Variants in DSTYK observed in about 807,000 individuals in gnomAD.
DSTYK encodes the protein RIP-homologous kinase.
Under a neutral mutation model 98.7 loss-of-function variants are expected in DSTYK, and 34 were observed. The observed-to-expected ratio is 0.34, with a 90% CI of 0.26 to 0.46. The LOEUF (loss-of-function observed/expected upper bound fraction) is 0.46. DSTYK is among the 20% of genes least tolerant of loss of function. The pLI is 1.00. For missense variants in DSTYK, 962 were observed against 1,181.7 expected (o/e 0.81, Z 2.73); for synonymous variants, 462 against 457.3 (o/e 1.01, Z -0.13).
chr1:205,197,759 T>A (rs1004454984), intron 1 of DSTYK, among the ~76,000 whole-genome samples: 2 of 151,878 alleles, frequency 1.3e-5, no homozygotes, highest in Non-Finnish European at 2.9e-5. Flanking sequence ...GTCTGGGGAG[T>A]TCAAGGCACT....
intron 10 of DSTYK, among the ~76,000 whole-genome samples, chr1:205,152,953 A>T (rs940216395): frequency 6.6e-6 from 1 of 152,056 alleles, no homozygotes; most frequent in Admixed American, 6.6e-5. Flanking sequence ...ATCCTAAAAA[A>T]CCCTGGAAGA....
At chr1:205,154,415 C>A (rs953096952) in intron 10 of DSTYK, among the ~76,000 whole-genome samples, 28 of 152,100 alleles carry the variant, frequency 1.8e-4, no homozygotes, top group Admixed American at 1.3e-4. Flanking sequence ...GTTTTTCCCC[C>A]CCTTTTGATC....
intron 10 of DSTYK, among the ~76,000 whole-genome samples, chr1:205,157,009 T>A (rs886122894): frequency 6.6e-6 from 1 of 152,226 alleles, no homozygotes; most frequent in African/African-American, 2.4e-5. Flanking sequence ...TGCTGCCATG[T>A]GAAGAAGAAT....
At chr1:205,188,001 A>C (rs1658607799) in intron 1 of DSTYK, among the ~76,000 whole-genome samples, 195 bp from the exon 2 acceptor site, 1 of 152,000 alleles carries the variant, frequency 6.6e-6, no homozygotes, top group South Asian at 2.1e-4. Flanking sequence ...TATCAAACAG[A>C]ATTCCTTTCC....
intron 3 of DSTYK, among the ~76,000 whole-genome samples, chr1:205,167,476 G>A (rs1657924017): frequency 6.6e-6 from 1 of 152,186 alleles, no homozygotes; most frequent in African/African-American, 2.4e-5. Context: ...CTGATGGGTA[G>A]GTAGGATTTG....
chr1:205,170,213 C>T (rs1017822101), intron 2 of DSTYK, among the ~76,000 whole-genome samples: 1 of 152,090 alleles, frequency 6.6e-6, no homozygotes, highest in Non-Finnish European at 1.5e-5. Flanking sequence ...GGGAGTGAGT[C>T]GACCTGGGGC....
chr1:205,151,046 TACTGAATACCATAGGCA>T (rs1310670063), intron 10 of DSTYK, among the ~76,000 whole-genome samples: 3 of 152,234 alleles, frequency 2.0e-5, no homozygotes, highest in African/African-American at 7.2e-5. Context: ...CGTATTACTG[TACTGAATACCATAGGCA>T]ACTGTAACAC....
At chr1:205,149,086 G>A (rs917679855) in intron 11 of DSTYK, among the ~76,000 whole-genome samples, 1 of 152,024 alleles carries the variant, frequency 6.6e-6, no homozygotes, top group African/African-American at 2.4e-5. Flanking sequence ...ATTTTTAGTA[G>A]AGATGGGGTT....
intron 3 of DSTYK, among the ~76,000 whole-genome samples, chr1:205,166,186 G>A (rs901618485): frequency 1.3e-5 from 2 of 152,108 alleles, no homozygotes; most frequent in South Asian, 2.1e-4. Context: ...AAAAAGACAA[G>A]TGCAGAAGAA....
In DSTYK at chr1:205,169,732, A is replaced by G; in HGVS notation, c.755T>C (p.Leu252Pro). The G allele has an allele frequency of 1.2e-6, 2 of 1,614,216 alleles. No individual in the cohort carries two copies. Among genetic ancestry groups the G allele is most frequent in the Non-Finnish European group, 1.7e-6 (2 of 1,180,030 alleles). Residue 252 changes from leucine to proline, a missense_variant, in exon 3 of 13, where the codon CTC (leucine) becomes CCC (proline). By Grantham distance (98) the Leu-to-Pro change is moderately conservative. Coordinates refer to ENST00000367162, the MANE Select transcript of DSTYK (RefSeq NM_015375.3). The surrounding 1 kb of genome is among the most constrained non-coding windows in gnomAD (Gnocchi z 4.0). Reference sequence around the variant, plus strand: ...CCTCTCAGAGAGTTCATCTTTGTGGAGTGCATAGGTTATCACAGGCAAGAA... The same window carrying G: ...CCTCTCAGAGAGTTCATCTTTGTGGGGTGCATAGGTTATCACAGGCAAGAA... ...NDFLPVITYA[L>P]HKDELSERDE...
intron 11 of DSTYK, among the ~76,000 whole-genome samples, chr1:205,149,100 C>G (rs1428191694): frequency 6.6e-6 from 1 of 151,964 alleles, no homozygotes; most frequent in African/African-American, 2.4e-5. Flanking sequence ...TGGGGTTTCT[C>G]CATGTTGGTC....
At chr1:205,202,535 A>C in intron 1 of DSTYK, 1 of 895,180 alleles carries the variant, frequency 1.1e-6, no homozygotes, top group Non-Finnish European at 1.8e-6. Flanking sequence ...GTCGTTGGGC[A>C]TATCAAAGTG....
rs111974106 is a variant in DSTYK at position 205,182,555 on chromosome 1, C to T, written c.654+4863G>A. 8.4e-3 allele frequency among the ~76,000 whole-genome samples: 1,248 copies of T among 149,240 alleles called. 23 individuals are homozygous for T. Among genetic ancestry groups the T allele is most frequent in the African/African-American group, 0.029 (1,192 of 40,638 alleles). ...GCGCTGTGGCTCACGCCTGTAATCCCGGCACTTTGGGAGGCCGAGGTGGGC... is the reference window on the plus strand; with the variant it reads ...GCGCTGTGGCTCACGCCTGTAATCCTGGCACTTTGGGAGGCCGAGGTGGGC... On this transcript the variant is annotated intron_variant, in intron 2 of 12. Transcript: ENST00000367162.
intron 3 of DSTYK, among the ~76,000 whole-genome samples, chr1:205,164,465 CTT>C (rs11438607): frequency 2.1e-5 from 3 of 143,260 alleles, no homozygotes; most frequent in African/African-American, 5.1e-5. Context: ...ATTTTGTTAG[CTT>C]TTTTTTTTTT....
At chr1:205,209,038 A>G (rs1659286902) in intron 1 of DSTYK, among the ~76,000 whole-genome samples, 1 of 152,238 alleles carries the variant, frequency 6.6e-6, no homozygotes, top group African/African-American at 2.4e-5. Context: ...CCGATGGTGA[A>G]GAGAGTTAAA....
chr1:205,198,591 C>T (rs1432416362), intron 1 of DSTYK, among the ~76,000 whole-genome samples: 1 of 152,152 alleles, frequency 6.6e-6, no homozygotes, highest in Non-Finnish European at 1.5e-5. Flanking sequence ...AAAACGTAAA[C>T]TCCATACTGG....
At chr1:205,149,580 G>A (rs543078410) in intron 11 of DSTYK, among the ~76,000 whole-genome samples, 1 of 152,218 alleles carries the variant, frequency 6.6e-6, no homozygotes, top group South Asian at 2.1e-4. Flanking sequence ...TCTCACGTTT[G>A]TTTGTTTTAG....
chr1:205,186,790 G>C (rs543782191), intron 2 of DSTYK, among the ~76,000 whole-genome samples: 1 of 152,340 alleles, frequency 6.6e-6, no homozygotes, highest in East Asian at 1.9e-4. Context: ...GCACAGATCT[G>C]TGCTCTCTTT....
At chr1:205,191,578 T>C (rs1658715073) in intron 1 of DSTYK, among the ~76,000 whole-genome samples, 1 of 152,170 alleles carries the variant, frequency 6.6e-6, no homozygotes, top group Non-Finnish European at 1.5e-5. Flanking sequence ...GAAAGACCAA[T>C]GATGTGAGGG....
Sources: allele counts gnomAD v4.1 joint callset (sites outside exome capture counted in the v4.1 genomes callset), GRCh38; gene constraint gnomAD v4.1.1; non-coding constraint Gnocchi (gnomAD v3.1); transcripts MANE v1.5; gene names NCBI Gene and HGNC (gene_info 2026-07-23, HGNC 2026-07-21).